The following CATSPERE variants were observed in gnomAD, a reference collection of about 807,000 sequenced individuals.
CATSPERE encodes cation channel sperm-associated auxiliary subunit epsilon.
A neutral mutation model predicts 114.1 loss-of-function variants in CATSPERE; 93 were observed. That is an observed-to-expected ratio of 0.81 (90% CI 0.69 to 0.97). The LOEUF is 0.97. Ranked by LOEUF, CATSPERE falls within the 50% of genes least tolerant of loss-of-function variation. The probability of loss-of-function intolerance (pLI) is 0.00; values close to 1 mark genes in which losing one functional copy is unlikely to be tolerated. For missense variants in CATSPERE, 1,058 were observed against 1,131.6 expected (o/e 0.93, Z 0.93); for synonymous variants, 341 against 384.1 (o/e 0.89, Z 1.31).
rs181746703 is a variant in CATSPERE, at chr1:244,596,875, C to T, written c.2303+3297C>T. On this transcript the variant is annotated intron_variant, in intron 17 of 21. Transcript: ENST00000366534. Reference sequence around the variant, plus strand: ...GTAAGAGAATGAGGAACATGAATGACTCCAAGGTGACATTAGTTAGAAGGG... The same window carrying T: ...GTAAGAGAATGAGGAACATGAATGATTCCAAGGTGACATTAGTTAGAAGGG... 7.2e-5 allele frequency among the ~76,000 whole-genome samples: 11 copies of T among 151,870 alleles called. No homozygotes were observed. The South Asian group carries it at 1.2e-3, about 17-fold the overall frequency.
At chr1:244,475,346 G>C (rs1001710161) in intron 2 of CATSPERE, among the ~76,000 whole-genome samples, 4 of 151,220 alleles carry the variant, frequency 2.6e-5, no homozygotes, top group Non-Finnish European at 4.4e-5. Context: ...GGATTCTCCT[G>C]CCTCAGCCTC....
intron 13 of CATSPERE, 91 bp downstream of exon 13, chr1:244,584,030 C>A: frequency 1.1e-6 from 1 of 939,584 alleles, no homozygotes; most frequent in Non-Finnish European, 1.7e-6. Context: ...CCGTACAATA[C>A]CTCCATGCAA....
chr1:244,617,648 G>A lies in CATSPERE; in HGVS notation c.2610G>A (p.Met870Ile). ...HIFWPMGHSG[M>I]YVFRVKILDP... The stretch of plus-strand genomic sequence containing the variant: ...TTTGGCCCATGGGCCATTCTGGAAT[G>A]TATGTATTTCGTGTGAAGATCCTGG... Residue 870 changes from methionine (M) to isoleucine (I), a missense_variant, in exon 20 of 22, where the codon ATG becomes ATA. Physicochemically the swap from Met to Ile is conservative, Grantham distance 10. Transcript: ENST00000366534. 2.6e-6 allele frequency: 4 copies of A among 1,544,224 alleles called. No homozygotes were observed. Among genetic ancestry groups the A allele is most frequent in the Non-Finnish European group, 3.5e-6 (4 of 1,145,304 alleles).
At chr1:244,632,682 T>C (rs909384894) in intron 20 of CATSPERE, among the ~76,000 whole-genome samples, 1 of 151,268 alleles carries the variant, frequency 6.6e-6, no homozygotes, top group Non-Finnish European at 1.5e-5. Context: ...GGGAAGATAA[T>C]GTGGAATCAT....
At chr1:244,453,899 C>G (rs534346373), upstream of CATSPERE, among the ~76,000 whole-genome samples, 1 of 152,210 alleles carries the variant, frequency 6.6e-6, no homozygotes, top group South Asian at 2.1e-4. Context: ...TCTCATTTGG[C>G]TCTTTCTAAC....
chr1:244,470,145 C>T (rs921031400), intron 2 of CATSPERE, among the ~76,000 whole-genome samples: 5 of 152,078 alleles, frequency 3.3e-5, no homozygotes, highest in African/African-American at 9.7e-5. Context: ...GTGATGGTTG[C>T]TCACAAGCAC....
chr1:244,629,822 T>C (rs897191730), intron 20 of CATSPERE, among the ~76,000 whole-genome samples: 1 of 152,010 alleles, frequency 6.6e-6, no homozygotes, highest in African/African-American at 2.4e-5. Flanking sequence ...GTATTTTTAG[T>C]AGAGACGGGA....
intron 2 of CATSPERE, among the ~76,000 whole-genome samples, chr1:244,475,244 C>CTT (rs36095839): frequency 2.8e-5 from 4 of 145,082 alleles, no homozygotes; most frequent in Non-Finnish European, 4.5e-5. Context: ...TATCTAGAGA[C>CTT]TTTTTTTTTT....
At chr1:244,632,539 A>G (rs1674098338) in intron 20 of CATSPERE, among the ~76,000 whole-genome samples, 1 of 152,052 alleles carries the variant, frequency 6.6e-6, no homozygotes, top group African/African-American at 2.4e-5. Context: ...AGATTCTTAT[A>G]CTTAAGAATG....
intron 7 of CATSPERE, among the ~76,000 whole-genome samples, chr1:244,502,155 GATGAA>G (rs1674143767): frequency 6.6e-6 from 1 of 152,086 alleles, no homozygotes; most frequent in Admixed American, 6.5e-5. Context: ...CATCCACAAT[GATGAA>G]ATGAAGTGAT....
At chr1:244,546,684 G>A (rs1460657302) in intron 8 of CATSPERE, among the ~76,000 whole-genome samples, 1 of 152,128 alleles carries the variant, frequency 6.6e-6, no homozygotes, top group Admixed American at 6.5e-5. Flanking sequence ...TGAAAAATAA[G>A]TGAACAAAGT....
chr1:244,637,636 C>A (rs966458367), intron 21 of CATSPERE, among the ~76,000 whole-genome samples: 2 of 152,118 alleles, frequency 1.3e-5, no homozygotes, highest in Non-Finnish European at 2.9e-5. Context: ...CCTTACATTT[C>A]AAAGTCTATT....
chr1:244,601,425 G>A (rs1418933692), intron 17 of CATSPERE, among the ~76,000 whole-genome samples: 1 of 152,108 alleles, frequency 6.6e-6, no homozygotes, highest in Non-Finnish European at 1.5e-5. Context: ...AGAAGGTTGA[G>A]GATTGGCATG....
At chr1:244,571,101 C>A (rs1664384572) in intron 10 of CATSPERE, among the ~76,000 whole-genome samples, 1 of 152,190 alleles carries the variant, frequency 6.6e-6, no homozygotes, top group Non-Finnish European at 1.5e-5. Context: ...ATGCATCCTG[C>A]AATTACTTTT....
In CATSPERE at chr1:244,518,684, G is replaced by T. The variant is rs147923178; in HGVS notation, c.522G>T (p.Glu174Asp). The change falls in exon 8 of 22, where the codon GAG becomes GAT. Residue 174 changes from glutamate (E) to aspartate (D), a missense_variant. Transcript: ENST00000366534. ...VLKRKVYSSN[E>D]KMRRGTWRIV... The stretch of plus-strand genomic sequence containing the variant: ...AGAGAAAAGTTTATTCTTCAAATGA[G>T]AAAATGAGAAGGGGGTATTTAATTT... 19 of 1,522,950 alleles carry T rather than the reference G, an allele frequency of 1.2e-5. No homozygotes were observed. The African/African-American group carries it at 2.4e-4, about 19-fold the overall frequency. The allele number at this position is 1,522,950 out of a possible 1,614,324, so 94.3% of individuals were successfully genotyped here.
chr1:244,505,861 C>T (rs1023732432), intron 7 of CATSPERE, among the ~76,000 whole-genome samples: 5 of 152,192 alleles, frequency 3.3e-5, no homozygotes, highest in African/African-American at 1.2e-4. Flanking sequence ...AAAAAATTAG[C>T]TGGGCATGGT....
intron 11 of CATSPERE, among the ~76,000 whole-genome samples, chr1:244,581,452 G>A (rs941240435): frequency 6.6e-6 from 1 of 152,086 alleles, no homozygotes; most frequent in Non-Finnish European, 1.5e-5. Flanking sequence ...TGAGATTCTT[G>A]GTGAGGCTAT....
intron 5 of CATSPERE, among the ~76,000 whole-genome samples, chr1:244,486,371 G>A (rs1400258478): frequency 6.6e-6 from 1 of 150,776 alleles, no homozygotes; most frequent in Non-Finnish European, 1.5e-5. Context: ...TCAGCATGTG[G>A]GGTACTCGTG....
chr1:244,480,184 CA>C (rs1670040902), intron 5 of CATSPERE, among the ~76,000 whole-genome samples: 2 of 152,122 alleles, frequency 1.3e-5, no homozygotes, highest in Admixed American at 1.3e-4. Context: ...ATATGCATTT[CA>C]AAAATACCTT....
Sources: allele counts gnomAD v4.1 joint callset (sites outside exome capture counted in the v4.1 genomes callset), GRCh38; gene constraint gnomAD v4.1.1; transcripts MANE v1.5; gene names NCBI Gene and HGNC (gene_info 2026-07-23, HGNC 2026-07-21).